MUC5B: variants seen among roughly 807,000 people sequenced by gnomAD.
MUC5B encodes mucin 5B, oligomeric mucus/gel-forming, also known as mucin-5B.
In MUC5B, 116 loss-of-function variants were observed where a neutral mutation model predicts 376.9. That is an observed-to-expected ratio of 0.31 (90% CI 0.26 to 0.36). The LOEUF (loss-of-function observed/expected upper bound fraction) is 0.36. Ranked by LOEUF, MUC5B falls within the 10% of genes least tolerant of loss-of-function variation. The probability of loss-of-function intolerance (pLI) is 1.00; values close to 1 mark genes in which losing one functional copy is unlikely to be tolerated. For synonymous variants in MUC5B, 3,517 were observed against 3,390.9 expected (o/e 1.04, Z -1.29); for missense variants, 7,165 against 7,769.9 (o/e 0.92, Z 2.93).
rs759920934 is a variant in MUC5B at position 1,231,989 on chromosome 11, C to T, written c.1679-7C>T. ...GGCCGCTGACATCCCCCAACCCTGG[C>T]CCCCAGGCCTGTGTGGGAACTTCAA... is the stretch of plus-strand genomic sequence containing the variant. On this transcript the variant is annotated splice_region_variant and splice_polypyrimidine_tract_variant and intron_variant, in intron 14 of 48. Coordinates refer to ENST00000529681, the MANE Select transcript of MUC5B (RefSeq NM_002458.3). 2 of 1,612,540 alleles carry T rather than the reference C, an allele frequency of 1.2e-6. No homozygotes were observed. Among genetic ancestry groups the T allele is most frequent in the South Asian group, 2.2e-5 (2 of 91,076 alleles).
Position 1,246,489 on chromosome 11 carries a change from C to G in MUC5B, c.9609C>G (p.Pro3203=), listed in dbSNP as rs1862473515. 1 of 1,613,336 alleles carries G rather than the reference C, an allele frequency of 6.2e-7. No individual in the cohort carries two copies. The highest frequency in any genetic ancestry group is 1.7e-5 in the Admixed American group (1 of 59,964). ...TGCTGACCAGCACGGCCACCACACC[C>G]ACAGTCATCAGCTCCAGAGCCACTC... ...LKVLTSTATT[P]TVISSRATPS... Residue 3203 remains proline, a synonymous_variant, in exon 31 of 49, where the codon CCC becomes CCG. Transcript: ENST00000529681.
At position 1,242,817 on chromosome 11, in the gene MUC5B, C is replaced by T. The variant is rs879471005; in HGVS notation, c.5937C>T (p.Ser1979=). 5.0e-6 allele frequency: 8 copies of T among 1,613,410 alleles called. No homozygotes were observed. Among genetic ancestry groups the T allele is most frequent in the Admixed American group, 3.3e-5 (2 of 59,984 alleles). Reference sequence around the variant, plus strand: ...CAGCCACCACACCCACAGCTACCAGCGTTACACCCATCCCCTCTTCCTCCC... The same window carrying T: ...CAGCCACCACACCCACAGCTACCAGTGTTACACCCATCCCCTCTTCCTCCC... The part of the protein sequence containing the change: ...RSTATTPTAT[S]VTPIPSSSLG... The change falls in exon 31 of 49, where the codon AGC becomes AGT. Residue 1979 remains serine (S), a synonymous_variant. Coordinates refer to ENST00000529681, the MANE Select transcript of MUC5B (RefSeq NM_002458.3).
intron 4 of MUC5B, 47 bp from the exon 5 acceptor site, chr11:1,226,984 G>C: frequency 1.3e-6 from 2 of 1,577,714 alleles, no homozygotes; most frequent in Non-Finnish European, 1.7e-6. Flanking sequence ...GGGTGGGCAG[G>C]CAGCCAGGAG....
chr11:1,256,958 C>T (rs1590192553), intron 39 of MUC5B, among the ~76,000 whole-genome samples, 187 bp downstream of exon 39: 1 of 152,106 alleles, frequency 6.6e-6, no homozygotes, highest in African/African-American at 2.4e-5. Flanking sequence ...CCCCCACGGT[C>T]CCCTGAAGCC....
chr11:1,229,123 C>T, intron 8 of MUC5B, 47 bp from the exon 9 acceptor site: 10 of 1,497,956 alleles, frequency 6.7e-6, no homozygotes, highest in Non-Finnish European at 8.9e-6. Context: ...ACCACACGGG[C>T]AGTACAGGGC....
rs777248782 is a variant in MUC5B, at chr11:1,242,263, G to C, written c.5383G>C (p.Asp1795His). ...GAAGTGTGAGTGGACAGAGTGGTTT[G>C]ACGTGGACTTCCCAACCTCAGGGGT... ...QPKCEWTEWF[D>H]VDFPTSGVAG... Residue 1795 changes from aspartate (D) to histidine (H), a missense_variant, in exon 31 of 49, where the codon GAC becomes CAC. Around this residue, in one of 31 missense-constraint regions of MUC5B, gnomAD observed 897 missense variants for 779.6 expected, o/e 1.15. Coordinates refer to ENST00000529681, the MANE Select transcript of MUC5B (RefSeq NM_002458.3). 6.2e-7 allele frequency: 1 copy of C among 1,613,872 alleles called. No individual in the cohort carries two copies. Among genetic ancestry groups the C allele is most frequent in the South Asian group, 1.1e-5 (1 of 91,086 alleles).
intron 26 of MUC5B, 47 bp downstream of exon 26, chr11:1,239,074 CA>C (rs1862220269): frequency 3.2e-6 from 5 of 1,552,664 alleles, no homozygotes; most frequent in Admixed American, 1.9e-5. Context: ...GCTGCTGGGG[CA>C]GGGGAGGAGG....
rs753050552 is a variant in MUC5B, at chr11:1,234,245, C to T, written c.2418C>T (p.Ser806=). 1.7e-5 allele frequency: 27 copies of T among 1,607,074 alleles called. No homozygotes were observed. The highest frequency in any genetic ancestry group is 2.2e-5 in the Non-Finnish European group (26 of 1,178,560). Residue 806 remains serine, a synonymous_variant, in exon 20 of 49, where the codon AGC becomes AGT. Coordinates refer to ENST00000529681, the MANE Select transcript of MUC5B (RefSeq NM_002458.3). The surrounding 1 kb of genome is among the most constrained non-coding windows in gnomAD (Gnocchi z 6.3). ...TGGTGTACCTGGACTGCAGCAACAG[C>T]TCGGCGGGCACCCCTGGGGCCGAGT... ...APMVYLDCSN[S]SAGTPGAECL...
intron 17 of MUC5B, 117 bp from the exon 18 acceptor site, chr11:1,232,896 G>C (rs892749451): frequency 4.1e-6 from 6 of 1,459,924 alleles, no homozygotes; most frequent in Non-Finnish European, 5.4e-6. Context: ...TCCCAGCCTC[G>C]CAAGAACCTC....
At chr11:1,254,604 C>CCT in intron 34 of MUC5B, 90 bp from the exon 35 acceptor site, 1 of 1,374,860 alleles carries the variant, frequency 7.3e-7, no homozygotes, top group Non-Finnish European at 9.9e-7. Flanking sequence ...GGGGTCTCTG[C>CCT]ACATGGAGGC....
chr11:1,259,066 GAC>G lies in MUC5B; in HGVS notation c.16713+6_16713+7del, dbSNP rs1564954296. ...AACAATACTACCTGTCCCCAGGTGA[GAC>G]CCGAGGCACCTGCCCCCAGGTGAGC... On this transcript the variant is annotated splice_donor_region_variant and intron_variant, in intron 44 of 48. Coordinates refer to ENST00000529681, the MANE Select transcript of MUC5B (RefSeq NM_002458.3). 1.9e-6 allele frequency: 3 copies of G among 1,546,436 alleles called. No homozygotes were observed. In the Admixed American group the frequency reaches 5.9e-5, roughly 30 times the overall value.
chr11:1,226,988 C>T, intron 4 of MUC5B, 43 bp from the exon 5 acceptor site: 3 of 1,581,016 alleles, frequency 1.9e-6, no homozygotes, highest in Non-Finnish European at 2.6e-6. Flanking sequence ...GGGCAGGCAG[C>T]CAGGAGAGCG....
rs1466557314 is a variant in MUC5B at position 1,256,231 on chromosome 11, T to A, written c.16136+6T>A. 1.4e-6 allele frequency: 1 copy of A among 723,922 alleles called. No individual in the cohort carries two copies. The highest frequency in any genetic ancestry group is 1.7e-5 in the African/African-American group (1 of 57,352). The allele number at this position is 723,922 out of a possible 1,614,324, so 44.8% of individuals were successfully genotyped here. ...CCTGCCACCTGCAACTCTAGGTAAG[T>A]ACAGGGATGGCTGGTGCCTTCCCTG... On this transcript the variant is annotated splice_donor_region_variant and intron_variant, in intron 38 of 48. Transcript: ENST00000529681.
intron 30 of MUC5B, 33 bp downstream of exon 30, chr11:1,240,408 ACC>A (rs1251028016): frequency 6.4e-7 from 1 of 1,553,308 alleles, no homozygotes; most frequent in Non-Finnish European, 8.7e-7. Context: ...GAGGCCCAGT[ACC>A]GTCTGGGTGA....
At position 1,246,547 on chromosome 11, in the gene MUC5B, C is replaced by T. The variant is rs1177462381; in HGVS notation, c.9667C>T (p.Pro3223Ser). 2 of 1,613,100 alleles carry T rather than the reference C, an allele frequency of 1.2e-6. No individual in the cohort carries two copies. Among genetic ancestry groups the T allele is most frequent in the Non-Finnish European group, 1.7e-6 (2 of 1,179,636 alleles). ...SSSPGTATALPALRSTATTPT... is the reference protein window; with the variant it reads ...SSSPGTATALSALRSTATTPT... ...CAGTCCAGGGACTGCAACCGCCCTT[C>T]CAGCACTGAGAAGCACAGCCACCAC... is the stretch of plus-strand genomic sequence containing the variant. Residue 3223 changes from proline to serine, a missense_variant, in exon 31 of 49, where the codon CCA (proline) becomes TCA (serine). By Grantham distance (74) the Pro-to-Ser change is moderately conservative. Transcript: ENST00000529681.
chr11:1,257,311 C>G lies in MUC5B; in HGVS notation c.16269+40C>G. ...CCCCACCTGCCCTACCCCACCCTCTCGCGAGCTGAGGGAGGGAGGGAAGGA... is the reference window on the plus strand; with the variant it reads ...CCCCACCTGCCCTACCCCACCCTCTGGCGAGCTGAGGGAGGGAGGGAAGGA... On this transcript the variant is annotated intron_variant, in intron 40 of 48. Transcript: ENST00000529681. The surrounding 1 kb of genome is among the most constrained non-coding windows in gnomAD (Gnocchi z 8.9). 1 of 789,300 alleles carries G rather than the reference C, an allele frequency of 1.3e-6. No individual in the cohort carries two copies. The highest frequency in any genetic ancestry group is 2.3e-6 in the Non-Finnish European group (1 of 427,148). The allele number at this position is 789,300 out of a possible 1,614,324, so 48.9% of individuals were successfully genotyped here.
intron 18 of MUC5B, 109 bp downstream of exon 18, chr11:1,233,377 C>A: frequency 7.9e-7 from 1 of 1,264,192 alleles, no homozygotes; most frequent in Non-Finnish European, 1.1e-6. Context: ...CATGAGGGGC[C>A]AGGCTGGGGA....
chr11:1,233,717 G>A (rs944258804), intron 18 of MUC5B, 76 bp from the exon 19 acceptor site: 17 of 1,449,190 alleles, frequency 1.2e-5, no homozygotes, highest in African/African-American at 9.8e-5. Context: ...AGCGTTCGGC[G>A]GGGGCTCGGA....
chr11:1,262,083 G>A lies in MUC5B; in HGVS notation c.*475G>A, dbSNP rs542051301. Reference sequence around the variant, plus strand: ...TGCAGGGTAACTCAGGGCTGAGGTCGCAACGGCCAGGTCAGAGAGGGGTCA... The same window carrying A: ...TGCAGGGTAACTCAGGGCTGAGGTCACAACGGCCAGGTCAGAGAGGGGTCA... On this transcript the variant is annotated 3_prime_UTR_variant, in exon 49 of 49. Coordinates refer to ENST00000529681, the MANE Select transcript of MUC5B (RefSeq NM_002458.3). 117 of 529,804 alleles carry A rather than the reference G, an allele frequency of 2.2e-4. 2 individuals are homozygous for A. Among genetic ancestry groups the A allele is most frequent in the South Asian group, 1.3e-3 (96 of 71,440 alleles). 32.8% of individuals were successfully genotyped at this position (529,804 alleles called of 1,614,324 possible).
Sources: allele counts gnomAD v4.1 joint callset (sites outside exome capture counted in the v4.1 genomes callset), GRCh38; gene constraint gnomAD v4.1.1; regional missense constraint gnomAD v4.1.1; non-coding constraint Gnocchi (gnomAD v3.1); transcripts MANE v1.5; gene names NCBI Gene and HGNC (gene_info 2026-07-23, HGNC 2026-07-21).